The following DPYD variants were observed in gnomAD, a reference collection of about 807,000 sequenced individuals.
DPYD encodes dihydropyrimidine dehydrogenase.
In DPYD, 109 loss-of-function variants were observed where a neutral mutation model predicts 116.2. That is an observed-to-expected ratio of 0.94 (90% CI 0.80 to 1.10). The LOEUF (loss-of-function observed/expected upper bound fraction) is 1.10, where lower values mean the gene tolerates loss of function less well. DPYD is among the 50% of genes least tolerant of loss of function. DPYD has a pLI of 0.00. For synonymous variants in DPYD, 440 were observed against 432.0 expected (o/e 1.02, Z -0.23); for missense variants, 1,302 against 1,254.5 (o/e 1.04, Z -0.57).
intron 8 of DPYD, among the ~76,000 whole-genome samples, chr1:97,636,195 C>T (rs1254101192): frequency 6.6e-6 from 1 of 151,942 alleles, no homozygotes; most frequent in Non-Finnish European, 1.5e-5. Context: ...GCTTCATTCC[C>T]ATCTCTCACT....
chr1:97,603,206 G>A (rs1223043216), intron 8 of DPYD, among the ~76,000 whole-genome samples: 2 of 152,048 alleles, frequency 1.3e-5, no homozygotes, highest in East Asian at 3.9e-4. Context: ...CTTAGATAGT[G>A]TTAGGAAATT....
chr1:97,865,818 C>T (rs1400440115), intron 2 of DPYD, among the ~76,000 whole-genome samples: 1 of 151,874 alleles, frequency 6.6e-6, no homozygotes. Context: ...AAGCCTAATA[C>T]AAACAAGTAC....
At chr1:97,099,953 AT>A (rs1352198631) in intron 20 of DPYD, among the ~76,000 whole-genome samples, 2 of 152,132 alleles carry the variant, frequency 1.3e-5, no homozygotes, top group Non-Finnish European at 2.9e-5. Context: ...TCCATTATCA[AT>A]TCATTATAAT....
rs183197705 is a variant in DPYD, at chr1:97,635,905, G to C, written c.851-40739C>G. Among the ~76,000 whole-genome samples the C allele has an allele frequency of 2.8e-3, 427 of 152,092 alleles. 5 individuals carry two copies. Among genetic ancestry groups the C allele is most frequent in the African/African-American group, 9.8e-3 (408 of 41,512 alleles). Reference sequence around the variant, plus strand: ...TGTGATCACGGCTCACTGCAGCCTTGAGTTCCTAGGCCCAAGCAATCTTCC... The same window carrying C: ...TGTGATCACGGCTCACTGCAGCCTTCAGTTCCTAGGCCCAAGCAATCTTCC... On this transcript the variant is annotated intron_variant, in intron 8 of 22. Transcript: ENST00000370192.
chr1:97,421,714 C>T (rs1220088623), intron 14 of DPYD, among the ~76,000 whole-genome samples: 1 of 152,146 alleles, frequency 6.6e-6, no homozygotes, highest in Non-Finnish European at 1.5e-5. Context: ...GGGGATATTA[C>T]TGCAACTCCT....
intron 14 of DPYD, among the ~76,000 whole-genome samples, chr1:97,432,218 C>T (rs553489136): frequency 1.2e-4 from 19 of 152,066 alleles, no homozygotes; most frequent in African/African-American, 4.6e-4. Context: ...GGATATATTC[C>T]CAGCAGCAGG....
intron 5 of DPYD, among the ~76,000 whole-genome samples, chr1:97,701,982 G>A (rs1661623983): frequency 6.6e-6 from 1 of 151,558 alleles, no homozygotes. Flanking sequence ...CTTATTCCCA[G>A]CTACAATTTG....
chr1:97,268,504 G>C (rs1489293660), intron 18 of DPYD, among the ~76,000 whole-genome samples: 1 of 152,116 alleles, frequency 6.6e-6, no homozygotes, highest in Admixed American at 6.6e-5. Context: ...TTGAAATCTA[G>C]GTGGAGGGTG....
chr1:97,361,996 A>G (rs1029883972), intron 16 of DPYD, among the ~76,000 whole-genome samples: 2 of 152,228 alleles, frequency 1.3e-5, no homozygotes, highest in Non-Finnish European at 2.9e-5. Flanking sequence ...TTCAATTAGG[A>G]AAAGAGGAAG....
At chr1:97,366,732 G>A (rs1205402528) in intron 16 of DPYD, among the ~76,000 whole-genome samples, 1 of 152,104 alleles carries the variant, frequency 6.6e-6, no homozygotes, top group Non-Finnish European at 1.5e-5. Flanking sequence ...GATGTCTCAG[G>A]AGCACATACC....
At position 97,203,673 on chromosome 1, in the gene DPYD, CCAAA is replaced by C. The variant is rs1184634276; in HGVS notation, c.2443-10429_2443-10426del. Among the ~76,000 whole-genome samples the C allele has an allele frequency of 2.4e-3, 123 of 50,254 alleles. 4 individuals carry two copies. Among genetic ancestry groups the C allele is most frequent in the African/African-American group, 6.2e-3 (70 of 11,274 alleles). 33.0% of individuals were successfully genotyped at this position (50,254 alleles called of 152,430 possible). A position where few individuals can be genotyped will look rare whatever the true frequency, so the allele number is the denominator to read the frequency against. ...AAGGATGAGTTCAGACCCCCCCCCCCCAAAAAAAAAAAAAGAGAAAAAGTCTATA... is the reference window on the plus strand; with the variant it reads ...AAGGATGAGTTCAGACCCCCCCCCCCAAAAAAAAAAGAGAAAAAGTCTATA... On this transcript the variant is annotated intron_variant, in intron 19 of 22. Transcript: ENST00000370192.
chr1:97,523,453 C>T (rs1284589657), intron 12 of DPYD, among the ~76,000 whole-genome samples: 2 of 152,060 alleles, frequency 1.3e-5, no homozygotes, highest in African/African-American at 4.8e-5. Context: ...AATATATATG[C>T]ATTACACTTA....
Position 97,184,023 on chromosome 1 carries a change from T to C in DPYD, c.2622+9046A>G, listed in dbSNP as rs971655284. ...ATGAGTGACAAAATGGAGTGTTTAG[T>C]TTTCTGTTCCTGCATTAGTTTGCTA... On this transcript the variant is annotated intron_variant, in intron 20 of 22. Transcript: ENST00000370192. Among the ~76,000 whole-genome samples the C allele has an allele frequency of 2.6e-5, 4 of 152,096 alleles. No individual in the cohort carries two copies. In the South Asian group the frequency reaches 8.3e-4, roughly 31 times the overall value.
At chr1:97,136,515 T>G (rs1653811916) in intron 20 of DPYD, among the ~76,000 whole-genome samples, 1 of 152,142 alleles carries the variant, frequency 6.6e-6, no homozygotes, top group South Asian at 2.1e-4. Flanking sequence ...TAATGAGATT[T>G]TTTTTCCCAT....
chr1:97,779,748 T>C (rs1377632571), intron 3 of DPYD, among the ~76,000 whole-genome samples: 1 of 152,112 alleles, frequency 6.6e-6, no homozygotes, highest in Non-Finnish European at 1.5e-5. Context: ...GTTGCATCTT[T>C]TTTTTTGGCC....
In DPYD at chr1:97,453,347, T is replaced by C. The variant is rs180987797; in HGVS notation, c.1741-3124A>G. On this transcript the variant is annotated intron_variant, in intron 13 of 22. Transcript: ENST00000370192. ...ACCTGATCCATGACCACCTAGGGTA[T>C]TTCCTAGCTAATGAGCCTGTCCAAC... Among the ~76,000 whole-genome samples, 773 of 152,260 alleles carry C rather than the reference T, an allele frequency of 5.1e-3. 4 individuals are homozygous for C. Among genetic ancestry groups the C allele is most frequent in the South Asian group, 0.011 (54 of 4,834 alleles).
At chr1:97,803,895 C>G (rs1667955220) in intron 3 of DPYD, among the ~76,000 whole-genome samples, 1 of 151,742 alleles carries the variant, frequency 6.6e-6, no homozygotes, top group South Asian at 2.1e-4. Context: ...TCAGAAAATA[C>G]TTGGCAACTC....
chr1:97,438,005 T>C (rs889409313), intron 14 of DPYD, among the ~76,000 whole-genome samples: 1 of 152,020 alleles, frequency 6.6e-6, no homozygotes, highest in Non-Finnish European at 1.5e-5. Flanking sequence ...TGAATTGCCT[T>C]TTTGCATCTT....
intron 8 of DPYD, among the ~76,000 whole-genome samples, chr1:97,620,088 C>CA (rs1656542055): frequency 6.6e-6 from 1 of 151,662 alleles, no homozygotes; most frequent in African/African-American, 2.4e-5. Flanking sequence ...GGGTTACACT[C>CA]AGATTCCAGT....
Sources: allele counts gnomAD v4.1 joint callset (sites outside exome capture counted in the v4.1 genomes callset), GRCh38; gene constraint gnomAD v4.1.1; transcripts MANE v1.5; gene names NCBI Gene and HGNC (gene_info 2026-07-23, HGNC 2026-07-21).